The following CADM1 variants were observed in gnomAD, a reference collection of about 807,000 sequenced individuals.
CADM1 encodes cell adhesion molecule 1.
Under a neutral mutation model 53.1 loss-of-function variants are expected in CADM1, and 15 were observed. That is an observed-to-expected ratio of 0.28 (90% CI 0.19 to 0.44). CADM1 has a LOEUF of 0.44. Ranked by LOEUF, CADM1 falls within the 20% of genes least tolerant of loss-of-function variation. The pLI is 1.00. For missense variants in CADM1, 434 were observed against 611.3 expected (o/e 0.71, Z 3.06); for synonymous variants, 281 against 243.0 (o/e 1.16, Z -1.45).
chr11:115,501,904 A>G (rs549912671), intron 1 of CADM1, among the ~76,000 whole-genome samples: 1 of 151,886 alleles, frequency 6.6e-6, no homozygotes, highest in Non-Finnish European at 1.5e-5. Flanking sequence ...CTCACCACGA[A>G]ATATATATAT....
intron 1 of CADM1, among the ~76,000 whole-genome samples, chr11:115,411,899 C>T (rs1168835558): frequency 2.0e-5 from 3 of 152,124 alleles, no homozygotes; most frequent in Non-Finnish European, 4.4e-5. Context: ...TAACTTAAGA[C>T]TGAAATTCCC....
At chr11:115,205,748 A>G (rs971437807) in intron 8 of CADM1, among the ~76,000 whole-genome samples, 19 of 152,224 alleles carry the variant, frequency 1.2e-4, no homozygotes, top group African/African-American at 4.3e-4. Flanking sequence ...ATCAATACAC[A>G]GGAAAGAAAA....
intron 1 of CADM1, among the ~76,000 whole-genome samples, chr11:115,352,018 T>C (rs1337318147): frequency 6.6e-6 from 1 of 152,208 alleles, no homozygotes. Context: ...CCAAAAGTCA[T>C]AGACTGCTTT....
rs552681163 is a variant in CADM1 at position 115,214,074 on chromosome 11, T to A, written c.994+534A>T. Among the ~76,000 whole-genome samples the A allele has an allele frequency of 9.2e-5, 14 of 152,308 alleles. 1 individual carries two copies. The highest frequency in any genetic ancestry group is 2.9e-4 in the African/African-American group (12 of 41,556). ...ATATTAAAAAAACAGACACATTTTT[T>A]AAAAAAGCTTTTGTTCTGAAGCAGT... On this transcript the variant is annotated intron_variant, in intron 7 of 11. Transcript: ENST00000331581.
At position 115,240,358 on chromosome 11, in the gene CADM1, T is replaced by C; in HGVS notation, c.187A>G (p.Ser63Gly). 1 of 1,613,806 alleles carries C rather than the reference T, an allele frequency of 6.2e-7. No homozygotes were observed. The highest frequency in any genetic ancestry group is 1.1e-5 in the South Asian group (1 of 91,068). ...TVIEGEVATI[S>G]CQVNKSDDSV... Reference sequence around the variant, plus strand: ...TCGTCACTCTTATTGACTTGGCAACTGATGGTCGCAACCTCTCCCTCGATC... The same window carrying C: ...TCGTCACTCTTATTGACTTGGCAACCGATGGTCGCAACCTCTCCCTCGATC... Residue 63 changes from serine (S) to glycine (G), a missense_variant, in exon 2 of 12, where the codon AGT (serine) becomes GGT (glycine). Around this residue, in one of 4 missense-constraint regions of CADM1, gnomAD observed 31 missense variants for 74.6 expected, o/e 0.42. Transcript: ENST00000331581.
chr11:115,211,581 G>C (rs1940965679), intron 7 of CADM1, among the ~76,000 whole-genome samples: 1 of 143,470 alleles, frequency 7.0e-6, no homozygotes, highest in Non-Finnish European at 1.5e-5. Flanking sequence ...CCGGGTTCAA[G>C]CAATTCTTCT....
chr11:115,393,055 C>A (rs1946879620), intron 1 of CADM1, among the ~76,000 whole-genome samples: 1 of 135,628 alleles, frequency 7.4e-6, no homozygotes, highest in African/African-American at 2.8e-5. Context: ...ATAGCGAGAC[C>A]CCATCTCTTC....
At chr11:115,376,525 G>A (rs1946442410) in intron 1 of CADM1, among the ~76,000 whole-genome samples, 1 of 151,980 alleles carries the variant, frequency 6.6e-6, no homozygotes, top group Non-Finnish European at 1.5e-5. Flanking sequence ...AATTTAGAAA[G>A]CCAAGATACA....
intron 1 of CADM1, among the ~76,000 whole-genome samples, chr11:115,408,818 T>C (rs2366914): frequency 0.46 from 70,550 of 152,006 alleles, 17,863 homozygotes; most frequent in African/African-American, 0.63. Flanking sequence ...AAAATACTTA[T>C]TCCAACAGAA....
At chr11:115,362,158 G>A (rs11215515) in intron 1 of CADM1, among the ~76,000 whole-genome samples, 9,159 of 152,242 alleles carry the variant, frequency 0.06, 730 homozygotes, top group East Asian at 0.39. Context: ...AGTCCTAACA[G>A]TGGCTTGTAA....
chr11:115,214,303 G>A (rs999138183), intron 7 of CADM1, among the ~76,000 whole-genome samples: 2 of 152,184 alleles, frequency 1.3e-5, no homozygotes, highest in African/African-American at 4.8e-5. Context: ...AATTGGTAAG[G>A]CTGAATGTTT....
intron 1 of CADM1, among the ~76,000 whole-genome samples, chr11:115,364,832 G>A (rs531584484): frequency 1.6e-4 from 24 of 152,214 alleles, no homozygotes; most frequent in Non-Finnish European, 2.6e-4. Context: ...GTAGTAAAAC[G>A]AACAATTCAG....
chr11:115,463,188 A>G (rs314490), intron 1 of CADM1, among the ~76,000 whole-genome samples: 134,025 of 152,160 alleles, frequency 0.88, 59,378 homozygotes, highest in East Asian at 0.99. Context: ...GATTGATCCT[A>G]TGGACCCCAC....
Position 115,174,167 on chromosome 11 carries a change from A to G in CADM1, c.*2307T>C, listed in dbSNP as rs1938906345. 5 of 985,342 alleles carry G rather than the reference A, an allele frequency of 5.1e-6. No individual in the cohort carries two copies. Among genetic ancestry groups the G allele is most frequent in the African/African-American group, 1.7e-5 (1 of 57,248 alleles). 61.0% of individuals were successfully genotyped at this position (985,342 alleles called of 1,614,324 possible). A position where few individuals can be genotyped will look rare whatever the true frequency, so the allele number is the denominator to read the frequency against. ...CTGAGACATGTCAACATTGTAAGCC[A>G]TAAAGTTACATCAGGAACACTGCAC... On this transcript the variant is annotated 3_prime_UTR_variant, in exon 12 of 12. Transcript: ENST00000331581.
chr11:115,443,344 A>G (rs1303117483), intron 1 of CADM1, among the ~76,000 whole-genome samples: 1 of 152,232 alleles, frequency 6.6e-6, no homozygotes, highest in East Asian at 1.9e-4. Flanking sequence ...TAAATCAGTG[A>G]CATTTTTTGA....
intron 1 of CADM1, among the ~76,000 whole-genome samples, chr11:115,327,915 T>A (rs1945002730): frequency 6.6e-6 from 1 of 152,196 alleles, no homozygotes; most frequent in South Asian, 2.1e-4. Context: ...TTCTTTGGAA[T>A]GCTATATGGT....
intron 1 of CADM1, among the ~76,000 whole-genome samples, chr11:115,457,302 C>T (rs961811356): frequency 1.4e-4 from 21 of 152,084 alleles, no homozygotes; most frequent in Non-Finnish European, 2.4e-4. Context: ...CTCGATAAGT[C>T]GAATCTGGTA....
Position 115,174,399 on chromosome 11 carries a change from G to A in CADM1, c.*2075C>T, listed in dbSNP as rs983933525. On this transcript the variant is annotated 3_prime_UTR_variant, in exon 12 of 12. Coordinates refer to ENST00000331581, the MANE Select transcript of CADM1 (RefSeq NM_001301043.2). ...TACTATGGTCGGAATGGGTGCTAAGGGCTCGGAATAGAGCTGCAGATTATA... is the reference window on the plus strand; with the variant it reads ...TACTATGGTCGGAATGGGTGCTAAGAGCTCGGAATAGAGCTGCAGATTATA... The A allele has an allele frequency of 6.1e-6, 6 of 985,626 alleles. No individual in the cohort carries two copies. In the African/African-American group the frequency reaches 1.0e-4, roughly 17 times the overall value. The allele number at this position is 985,626 out of a possible 1,614,324, so 61.1% of individuals were successfully genotyped here.
chr11:115,301,840 C>T (rs1944230402), intron 1 of CADM1, among the ~76,000 whole-genome samples: 1 of 152,212 alleles, frequency 6.6e-6, no homozygotes, highest in Non-Finnish European at 1.5e-5. Context: ...AATAGCAATG[C>T]ACTCAAAATG....
Sources: gnomAD v4.1 joint callset for allele counts (sites outside exome capture counted in the v4.1 genomes callset) on GRCh38, gnomAD v4.1.1 for gene constraint, gnomAD v4.1.1 regional missense constraint, MANE v1.5 for transcripts, NCBI Gene and HGNC (gene_info 2026-07-23, HGNC 2026-07-21) for gene names.